IL1RL2: variants seen among roughly 807,000 people sequenced by gnomAD.
The protein encoded by IL1RL2 is interleukin-1 receptor-like 2.
In IL1RL2, 68 loss-of-function variants were observed where a neutral mutation model predicts 66.8. The ratio of observed to expected loss-of-function variants is 1.02; its 90% CI spans 0.84 to 1.25. The LOEUF is 1.25. IL1RL2 is among the 50% of genes most tolerant of loss of function. The probability of loss-of-function intolerance (pLI) is 0.00; values close to 1 mark genes in which losing one functional copy is unlikely to be tolerated. For missense variants in IL1RL2, 729 were observed against 709.3 expected, an observed-to-expected ratio of 1.03 and a Z score of -0.32; for synonymous variants, 305 against 264.6, an observed-to-expected ratio of 1.15 and a Z score of -1.48.
chr2:102,242,878 C>T (rs1359291785), downstream of IL1RL2, among the ~76,000 whole-genome samples: 1 of 152,152 alleles, frequency 6.6e-6, no homozygotes, highest in Middle Eastern at 3.2e-3. Context: ...TGATCATTTG[C>T]CTTAGATAAA....
At chr2:102,236,180 G>C (rs962880012) in intron 11 of IL1RL2, among the ~76,000 whole-genome samples, 1 of 152,106 alleles carries the variant, frequency 6.6e-6, no homozygotes, top group Non-Finnish European at 1.5e-5. Flanking sequence ...TTTTTTCCAA[G>C]ACCCTGGCCT....
At chr2:102,193,743 G>A (rs759021608) in intron 4 of IL1RL2, among the ~76,000 whole-genome samples, 1 of 152,126 alleles carries the variant, frequency 6.6e-6, no homozygotes, top group Non-Finnish European at 1.5e-5. Context: ...GGTATAAAAT[G>A]TACCTTTTTA....
At chr2:102,203,346 T>G (rs774266738) in intron 5 of IL1RL2, among the ~76,000 whole-genome samples, 6 of 78,014 alleles carry the variant, frequency 7.7e-5, no homozygotes, top group Non-Finnish European at 2.1e-4. Context: ...TTCTCTCTCT[T>G]TTTTTTTTTT....
chr2:102,224,422 GTGGA>G (rs1578176800), intron 8 of IL1RL2, among the ~76,000 whole-genome samples: 2 of 152,314 alleles, frequency 1.3e-5, no homozygotes, highest in East Asian at 3.9e-4. Context: ...TTGCAGCAAA[GTGGA>G]TGGAACTGGA....
At chr2:102,203,124 A>T (rs1011287225) in intron 5 of IL1RL2, among the ~76,000 whole-genome samples, 1 of 152,186 alleles carries the variant, frequency 6.6e-6, no homozygotes, top group African/African-American at 2.4e-5. Context: ...TTCCGCATCA[A>T]TTGCAATGAC....
chr2:102,203,484 G>A (rs1475318889), intron 5 of IL1RL2, among the ~76,000 whole-genome samples: 4 of 151,824 alleles, frequency 2.6e-5, no homozygotes, highest in Middle Eastern at 6.8e-3. Flanking sequence ...TTCTTTAAAT[G>A]TTTGTTAGAA....
intron 1 of IL1RL2, 134 bp downstream of exon 1, chr2:102,187,220 C>G (rs1188216402): frequency 9.9e-6 from 12 of 1,206,730 alleles, no homozygotes; most frequent in Non-Finnish European, 1.3e-5. Flanking sequence ...GGCCGGCCCC[C>G]GACCGGCTAG....
chr2:102,217,450 C>A (rs940149220), intron 6 of IL1RL2, among the ~76,000 whole-genome samples: 1 of 151,980 alleles, frequency 6.6e-6, no homozygotes, highest in Non-Finnish European at 1.5e-5. Context: ...CCCTGAATAG[C>A]CAAAGCAATC....
chr2:102,242,273 T>C (rs141502592), downstream of IL1RL2, among the ~76,000 whole-genome samples: 565 of 152,350 alleles, frequency 3.7e-3, 18 homozygotes, highest in Admixed American at 0.034. Context: ...TTGGTGTATA[T>C]ATGAATATTC....
chr2:102,233,203 G>A (rs905359129), intron 10 of IL1RL2, 79 bp downstream of exon 10: 14 of 1,364,950 alleles, frequency 1.0e-5, no homozygotes, highest in Admixed American at 9.8e-5. Flanking sequence ...TACTAATGGC[G>A]GTGACTCTGC....
Position 102,239,407 on chromosome 2 carries a change from TC to T in IL1RL2, c.*170del. Reference sequence around the variant, plus strand: ...GAGGATGGGATAAGAACTGGGGCCATCCCCATGTCATGGTGGGTGAGAGCTG... The same window carrying T: ...GAGGATGGGATAAGAACTGGGGCCATCCCATGTCATGGTGGGTGAGAGCTG... On this transcript the variant is annotated 3_prime_UTR_variant, in exon 12 of 12. Coordinates refer to ENST00000264257, the MANE Select transcript of IL1RL2 (RefSeq NM_003854.4). 1.6e-6 allele frequency: 1 copy of T among 626,796 alleles called. No individual in the cohort carries two copies. Among genetic ancestry groups the T allele is most frequent in the Non-Finnish European group, 2.9e-6 (1 of 343,950 alleles). The allele number at this position is 626,796 out of a possible 1,614,324, so 38.8% of individuals were successfully genotyped here.
chr2:102,203,028 G>T lies in IL1RL2; in HGVS notation c.649+1313G>T, dbSNP rs368999772. ...ACTAGCTGTGGGTCTGTCACATATGGCTTTTATTACATTGAGACATGTTCT... is the reference window on the plus strand; with the variant it reads ...ACTAGCTGTGGGTCTGTCACATATGTCTTTTATTACATTGAGACATGTTCT... On this transcript the variant is annotated intron_variant, in intron 5 of 11. Coordinates refer to ENST00000264257, the MANE Select transcript of IL1RL2 (RefSeq NM_003854.4). 6.6e-5 allele frequency among the ~76,000 whole-genome samples: 10 copies of T among 152,216 alleles called. No homozygotes were observed. In the East Asian group the frequency reaches 1.9e-3, roughly 29 times the overall value.
chr2:102,204,629 C>CT (rs147417193), intron 5 of IL1RL2, among the ~76,000 whole-genome samples: 5,930 of 151,920 alleles, frequency 0.039, 294 homozygotes, highest in African/African-American at 0.11. Context: ...CTTGCTTTGT[C>CT]TTTTTTTATA....
chr2:102,224,616 A>C (rs1268094469), intron 8 of IL1RL2, among the ~76,000 whole-genome samples: 6 of 152,136 alleles, frequency 3.9e-5, no homozygotes, highest in Admixed American at 2.6e-4. Context: ...TGGGTAAAAG[A>C]AAAAAATACA....
downstream of IL1RL2, among the ~76,000 whole-genome samples, chr2:102,242,857 G>A (rs767824149): frequency 6.6e-6 from 1 of 152,212 alleles, no homozygotes; most frequent in Non-Finnish European, 1.5e-5. Context: ...TACAAACAAA[G>A]TGCATTCATC....
downstream of IL1RL2, among the ~76,000 whole-genome samples, chr2:102,241,145 T>C (rs548254695): frequency 6.6e-5 from 10 of 152,224 alleles, no homozygotes; most frequent in Non-Finnish European, 1.5e-4. Context: ...TTCTCGGGGC[T>C]CTCCAACTTA....
chr2:102,200,180 A>G (rs1183726268), intron 4 of IL1RL2, among the ~76,000 whole-genome samples: 1 of 145,536 alleles, frequency 6.9e-6, no homozygotes, highest in African/African-American at 2.5e-5. Flanking sequence ...TCACAATATC[A>G]GAGTCTGATC....
In IL1RL2 at chr2:102,235,039, G is replaced by T; in HGVS notation, c.1440G>T (p.Gly480=). ...IAVYSALIQD[G]MKVILIELEK... is the part of the protein sequence containing the mutation. Reference sequence around the variant, plus strand: ...TCTACAGTGCCCTGATCCAGGACGGGATGAAGGTTATTCTCATTGAGCTGG... The same window carrying T: ...TCTACAGTGCCCTGATCCAGGACGGTATGAAGGTTATTCTCATTGAGCTGG... The change falls in exon 11 of 12, where the codon GGG becomes GGT. Residue 480 remains glycine, a synonymous_variant. Coordinates refer to ENST00000264257, the MANE Select transcript of IL1RL2 (RefSeq NM_003854.4). The T allele has an allele frequency of 6.2e-7, 1 of 1,614,170 alleles. No individual in the cohort carries two copies. Among genetic ancestry groups the T allele is most frequent in the Non-Finnish European group, 8.5e-7 (1 of 1,180,034 alleles).
rs1463939817 is a variant in IL1RL2 at position 102,195,617 on chromosome 2, CTTTCTT to C, written c.489+3499_489+3504del. ...TCTTTCTTTCTTTCTTTCTTTCTTT[CTTTCTT>C]TCTTTCTCTCTCTCTCTCTCTCTCT... is the stretch of plus-strand genomic sequence containing the variant. On this transcript the variant is annotated intron_variant, in intron 4 of 11. Transcript: ENST00000264257. Among the ~76,000 whole-genome samples, 7 of 17,172 alleles carry C rather than the reference CTTTCTT, an allele frequency of 4.1e-4. 1 individual carries two copies. The highest frequency in any genetic ancestry group is 4.2e-3 in the South Asian group (1 of 236). The allele number at this position is 17,172 out of a possible 152,430, so 11.3% of individuals were successfully genotyped here.
Sources: allele counts gnomAD v4.1 joint callset (sites outside exome capture counted in the v4.1 genomes callset), GRCh38; gene constraint gnomAD v4.1.1; transcripts MANE v1.5; gene names NCBI Gene and HGNC (gene_info 2026-07-23, HGNC 2026-07-21).